The following SFMBT2 variants were observed in gnomAD, a reference collection of about 807,000 sequenced individuals.
The protein encoded by SFMBT2 is scm-like with four MBT domains protein 2.
SFMBT2 carries 38 observed loss-of-function variants against 110.1 expected under a neutral mutation model. The observed-to-expected ratio is 0.35, with a 90% CI of 0.27 to 0.45. SFMBT2 has a LOEUF of 0.45. SFMBT2 is among the 20% of genes least tolerant of loss of function. SFMBT2 has a pLI of 1.00. For synonymous variants in SFMBT2, 425 were observed against 425.4 expected (o/e 1.00, Z 0.01); for missense variants, 1,011 against 1,094.9 (o/e 0.92, Z 1.08).
chr10:7,265,596 A>ACT (rs1841360538), intron 7 of SFMBT2, among the ~76,000 whole-genome samples: 1 of 152,166 alleles, frequency 6.6e-6, no homozygotes. Flanking sequence ...TTCTTAGCAA[A>ACT]GAACTGAGCT....
intron 4 of SFMBT2, among the ~76,000 whole-genome samples, chr10:7,352,131 G>A (rs1352646991): frequency 6.6e-6 from 1 of 152,070 alleles, no homozygotes; most frequent in Non-Finnish European, 1.5e-5. Flanking sequence ...TATACTGGTC[G>A]GAGGAGCCAC....
At chr10:7,222,378 C>T (rs1839770193) in intron 10 of SFMBT2, among the ~76,000 whole-genome samples, 1 of 152,190 alleles carries the variant, frequency 6.6e-6, no homozygotes, top group Non-Finnish European at 1.5e-5. Flanking sequence ...ATACGACAGA[C>T]TGTGAAGTTT....
At chr10:7,385,979 G>A (rs1250557909) in intron 1 of SFMBT2, among the ~76,000 whole-genome samples, 5 of 152,048 alleles carry the variant, frequency 3.3e-5, no homozygotes, top group Non-Finnish European at 5.9e-5. Flanking sequence ...CAGCCTGGGG[G>A]AGAGAGACTC....
chr10:7,231,040 A>C (rs942818655), intron 9 of SFMBT2, among the ~76,000 whole-genome samples: 4 of 152,156 alleles, frequency 2.6e-5, no homozygotes, highest in Non-Finnish European at 5.9e-5. Flanking sequence ...TAATTATTTT[A>C]CTGTTGCTAC....
At chr10:7,194,180 A>G (rs1411429026) in intron 15 of SFMBT2, among the ~76,000 whole-genome samples, 1 of 152,146 alleles carries the variant, frequency 6.6e-6, no homozygotes, top group African/African-American at 2.4e-5. Context: ...TCTGGACCTC[A>G]GTGGACCATT....
In SFMBT2 at chr10:7,190,443, T is replaced by C. The variant is rs149086703; in HGVS notation, c.1699-1710A>G. ...GTGACTGCGAAAAGAAAATGCCTTC[T>C]GGAGTTCAATTCAGCCTGGGAGCAG... On this transcript the variant is annotated intron_variant, in intron 15 of 20. Transcript: ENST00000397167. Among the ~76,000 whole-genome samples the C allele has an allele frequency of 4.8e-3, 733 of 152,342 alleles. 20 individuals are homozygous for C. Among genetic ancestry groups the C allele is most frequent in the Admixed American group, 0.044 (667 of 15,306 alleles).
At chr10:7,173,485 T>C (rs1356778649) in intron 17 of SFMBT2, among the ~76,000 whole-genome samples, 4 of 152,132 alleles carry the variant, frequency 2.6e-5, no homozygotes, top group African/African-American at 9.7e-5. Context: ...CTTCTCAGAG[T>C]TCCTTCTCTA....
intron 4 of SFMBT2, among the ~76,000 whole-genome samples, chr10:7,298,309 C>G (rs928727104): frequency 6.6e-6 from 1 of 152,142 alleles, no homozygotes; most frequent in African/African-American, 2.4e-5. Context: ...TACTGAGCAC[C>G]CCCTAGACAG....
chr10:7,312,643 A>G lies in SFMBT2; in HGVS notation c.437-26689T>C, dbSNP rs114703349. The stretch of plus-strand genomic sequence containing the variant: ...CCAGCAATAATCAGCAAATCAGTAG[A>G]CTGCAACTGCCCGGAGACCTCTGTT... On this transcript the variant is annotated intron_variant, in intron 4 of 20. Coordinates refer to ENST00000397167, the MANE Select transcript of SFMBT2 (RefSeq NM_001387889.1). Among the ~76,000 whole-genome samples the G allele has an allele frequency of 4.9e-3, 744 of 152,148 alleles. 8 individuals carry two copies. Among genetic ancestry groups the G allele is most frequent in the African/African-American group, 0.016 (657 of 41,422 alleles).
chr10:7,406,880 C>T (rs1846225200), intron 1 of SFMBT2, among the ~76,000 whole-genome samples: 1 of 152,114 alleles, frequency 6.6e-6, no homozygotes, highest in African/African-American at 2.4e-5. Context: ...ACTCTCTATT[C>T]CAGGATGGGG....
At chr10:7,253,895 A>G in intron 7 of SFMBT2, among the ~76,000 whole-genome samples, 1 of 152,042 alleles carries the variant, frequency 6.6e-6, no homozygotes, top group Non-Finnish European at 1.5e-5. Flanking sequence ...AAGTCAACGT[A>G]ACGGAAATTG....
At chr10:7,253,825 C>CA (rs3065776) in intron 7 of SFMBT2, among the ~76,000 whole-genome samples, 42,910 of 134,046 alleles carry the variant, frequency 0.32, 7,194 homozygotes, top group South Asian at 0.44. Context: ...AATCAACAAC[C>CA]AAAAAAAAAA....
intron 9 of SFMBT2, among the ~76,000 whole-genome samples, chr10:7,228,762 CTCTCTCTCTCTCTCTCTCT>C (rs1279988638): frequency 4.5e-5 from 6 of 133,212 alleles, no homozygotes; most frequent in African/African-American, 1.5e-4. Context: ...CTCTCTCTCT[CTCTCTCTCTCTCTCTCTCT>C]CCCCCTCCCT....
chr10:7,336,469 G>A (rs1843719172), intron 4 of SFMBT2, among the ~76,000 whole-genome samples: 1 of 152,206 alleles, frequency 6.6e-6, no homozygotes, highest in African/African-American at 2.4e-5. Context: ...GAAGAATGAA[G>A]AATCACTGGA....
intron 11 of SFMBT2, among the ~76,000 whole-genome samples, chr10:7,209,290 T>A (rs899727255): frequency 1.3e-5 from 2 of 152,262 alleles, no homozygotes; most frequent in African/African-American, 4.8e-5. Context: ...TATCATTTTA[T>A]AGAAAAATCC....
intron 14 of SFMBT2, among the ~76,000 whole-genome samples, chr10:7,200,013 C>T (rs186846974): frequency 4.6e-5 from 7 of 152,194 alleles, no homozygotes; most frequent in South Asian, 2.1e-4. Flanking sequence ...AAGCTCGGGG[C>T]GACTTAAATA....
chr10:7,353,088 T>C (rs1844377863), intron 4 of SFMBT2, among the ~76,000 whole-genome samples: 1 of 152,140 alleles, frequency 6.6e-6, no homozygotes, highest in African/African-American at 2.4e-5. Context: ...TTTGCCAAAA[T>C]TGAGTTCATC....
At chr10:7,385,869 G>C (rs1413898054) in intron 1 of SFMBT2, among the ~76,000 whole-genome samples, 1 of 152,070 alleles carries the variant, frequency 6.6e-6, no homozygotes, top group East Asian at 1.9e-4. Flanking sequence ...GCGTGGTGGT[G>C]GGCACCTGTA....
intron 2 of SFMBT2, among the ~76,000 whole-genome samples, chr10:7,373,849 T>C (rs1845128670): frequency 6.6e-6 from 1 of 152,076 alleles, no homozygotes; most frequent in Non-Finnish European, 1.5e-5. Flanking sequence ...GAAGAAGACA[T>C]CGGCATGAAA....
Sources: gnomAD v4.1 joint callset for allele counts (sites outside exome capture counted in the v4.1 genomes callset) on GRCh38, gnomAD v4.1.1 for gene constraint, MANE v1.5 for transcripts, NCBI Gene and HGNC (gene_info 2026-07-23, HGNC 2026-07-21) for gene names.